Variants in TUNAR observed in about 807,000 individuals in gnomAD.
TUNAR encodes protein TUNAR.
intron 2 of TUNAR, among the ~76,000 whole-genome samples, chr14:95,904,865 G>C (rs1295510830): frequency 5.9e-5 from 9 of 152,228 alleles, no homozygotes; most frequent in Non-Finnish European, 1.3e-4. Context: ...CTGAGGACCT[G>C]CGCAGGATGT....
At chr14:95,893,912 C>CA (rs1889218978) in intron 2 of TUNAR, among the ~76,000 whole-genome samples, 1 of 152,266 alleles carries the variant, frequency 6.6e-6, no homozygotes, top group African/African-American at 2.4e-5. Flanking sequence ...CCTGTTCAGT[C>CA]ATTTGCAAAT....
chr14:95,915,816 A>C (rs1889596148), intron 2 of TUNAR, among the ~76,000 whole-genome samples: 1 of 152,224 alleles, frequency 6.6e-6, no homozygotes, highest in Non-Finnish European at 1.5e-5. Flanking sequence ...GAAGCAGCCC[A>C]ACAGAGGACT....
At chr14:95,915,436 C>CA (rs1889587121) in intron 2 of TUNAR, among the ~76,000 whole-genome samples, 1 of 152,214 alleles carries the variant, frequency 6.6e-6, no homozygotes, top group African/African-American at 2.4e-5. Flanking sequence ...CACCTGCTAT[C>CA]ACCCTACCTA....
intron 2 of TUNAR, among the ~76,000 whole-genome samples, chr14:95,882,225 A>C (rs929570019): frequency 6.6e-6 from 1 of 152,160 alleles, no homozygotes; most frequent in Non-Finnish European, 1.5e-5. Context: ...ACTTTGAGAG[A>C]ACAGGTGCCC....
chr14:95,915,945 G>A (rs1315924649), intron 2 of TUNAR, among the ~76,000 whole-genome samples: 1 of 152,164 alleles, frequency 6.6e-6, no homozygotes, highest in Non-Finnish European at 1.5e-5. Context: ...ACCATGCGGG[G>A]CTTCTTTTGG....
chr14:95,915,533 A>T (rs953047726), intron 2 of TUNAR, among the ~76,000 whole-genome samples: 3 of 152,210 alleles, frequency 2.0e-5, no homozygotes, highest in African/African-American at 7.2e-5. Flanking sequence ...AGCCTCCATT[A>T]GGAAGGGTAA....
chr14:95,891,909 C>T (rs1889185618), intron 2 of TUNAR, among the ~76,000 whole-genome samples: 1 of 152,248 alleles, frequency 6.6e-6, no homozygotes, highest in African/African-American at 2.4e-5. Flanking sequence ...CCTGTAGCTG[C>T]ACCACTCCAG....
At chr14:95,882,443 A>G (rs1888995285) in intron 2 of TUNAR, among the ~76,000 whole-genome samples, 2 of 152,186 alleles carry the variant, frequency 1.3e-5, no homozygotes, top group South Asian at 2.1e-4. Flanking sequence ...GAAGCACAAA[A>G]TAAATTCACT....
At chr14:95,887,559 C>T (rs1415699660) in intron 2 of TUNAR, among the ~76,000 whole-genome samples, 3 of 152,194 alleles carry the variant, frequency 2.0e-5, no homozygotes, top group East Asian at 1.9e-4. Context: ...GTCACAGCCC[C>T]GTGCAACATA....
chr14:95,916,399 C>T (rs1013497832), intron 2 of TUNAR, among the ~76,000 whole-genome samples: 8 of 152,218 alleles, frequency 5.3e-5, no homozygotes, highest in African/African-American at 4.8e-5. Context: ...TTTTGCAACG[C>T]GCTTTTGCAC....
At chr14:95,922,588 A>G (rs1889715606) in intron 2 of TUNAR, among the ~76,000 whole-genome samples, 193 bp from the exon 2 acceptor site, 1 of 152,076 alleles carries the variant, frequency 6.6e-6, no homozygotes, top group Non-Finnish European at 1.5e-5. Context: ...TCATCTTCTA[A>G]ACCAATTAGC....
At chr14:95,904,775 G>A (rs1448630688) in intron 2 of TUNAR, among the ~76,000 whole-genome samples, 1 of 152,232 alleles carries the variant, frequency 6.6e-6, no homozygotes, top group African/African-American at 2.4e-5. Flanking sequence ...GAAAAGTCCA[G>A]GAGGTGGAGG....
At chr14:95,876,494 C>T (rs1017771304) in exon 1 of TUNAR, 2 of 152,358 alleles carry the variant, frequency 1.3e-5, no homozygotes, top group African/African-American at 4.8e-5. Context: ...GTGCCCCTCC[C>T]CTGTAGGGAC....
intron 2 of TUNAR, among the ~76,000 whole-genome samples, chr14:95,904,243 C>T (rs988369061): frequency 6.6e-6 from 1 of 152,162 alleles, no homozygotes; most frequent in Non-Finnish European, 1.5e-5. Flanking sequence ...TGTGGGGGGG[C>T]CTGGGTGGTT....
chr14:95,906,489 CTAAAG>C (rs1889428171), intron 2 of TUNAR, among the ~76,000 whole-genome samples: 1 of 152,206 alleles, frequency 6.6e-6, no homozygotes, highest in African/African-American at 2.4e-5. Flanking sequence ...CTAGTATACA[CTAAAG>C]TAGTTTCAGA....
chr14:95,896,974 G>C (rs1490774778), intron 2 of TUNAR, among the ~76,000 whole-genome samples: 1 of 152,184 alleles, frequency 6.6e-6, no homozygotes, highest in Non-Finnish European at 1.5e-5. Context: ...ATTCGGGCTT[G>C]CGTTGGAATT....
intron 2 of TUNAR, among the ~76,000 whole-genome samples, chr14:95,880,781 G>A (rs1888967355): frequency 6.6e-6 from 1 of 152,210 alleles, no homozygotes; most frequent in South Asian, 2.1e-4. Context: ...AACATCTAAG[G>A]AAGTGTGTTG....
chr14:95,912,926 G>A (rs183020470), intron 2 of TUNAR, among the ~76,000 whole-genome samples: 1,660 of 152,132 alleles, frequency 0.011, 30 homozygotes, highest in African/African-American at 0.038. Context: ...GAGTAGCTGG[G>A]ACTACAGGCG....
At chr14:95,881,728 G>C (rs1230393076) in intron 2 of TUNAR, among the ~76,000 whole-genome samples, 1 of 152,200 alleles carries the variant, frequency 6.6e-6, no homozygotes, top group Non-Finnish European at 1.5e-5. Context: ...AGCTGCTGCT[G>C]TTCTTCGCTG....
Sources: allele counts gnomAD v4.1 joint callset (sites outside exome capture counted in the v4.1 genomes callset), GRCh38; gene constraint gnomAD v4.1.1; transcripts MANE v1.5; gene names NCBI Gene and HGNC (gene_info 2026-07-23, HGNC 2026-07-21).